The following MAPK4 variants were observed in gnomAD, a reference collection of about 807,000 sequenced individuals.
MAPK4 encodes the protein mitogen-activated protein kinase 4, also known as Erk3-related.
MAPK4 carries 22 observed loss-of-function variants against 47.7 expected under a neutral mutation model. That is an observed-to-expected ratio of 0.46 (90% CI 0.33 to 0.66). MAPK4 has a LOEUF of 0.66. Among genes scored for constraint, MAPK4 ranks in the 30% least tolerant of loss-of-function variants. The pLI is 0.02. For synonymous variants in MAPK4, 390 were observed against 365.7 expected, an observed-to-expected ratio of 1.07 and a Z score of -0.76; for missense variants, 736 against 831.7, an observed-to-expected ratio of 0.88 and a Z score of 1.42.
In MAPK4 at chr18:50,729,870, T is replaced by C; in HGVS notation, c.*16T>C. The C allele has an allele frequency of 6.3e-7, 1 of 1,580,858 alleles. No homozygotes were observed. Among genetic ancestry groups the C allele is most frequent in the Non-Finnish European group, 8.6e-7 (1 of 1,161,590 alleles). The stretch of plus-strand genomic sequence containing the variant: ...AAGGTGGTGAGGGCGGAGGGGCCGC[T>C]CCAGGCCCCACAGAGCAGGAGACCC... On this transcript the variant is annotated 3_prime_UTR_variant, in exon 6 of 6. Coordinates refer to ENST00000400384, the MANE Select transcript of MAPK4 (RefSeq NM_002747.4).
intron 1 of MAPK4, among the ~76,000 whole-genome samples, chr18:50,616,970 A>C (rs2042690331): frequency 6.6e-6 from 1 of 152,224 alleles, no homozygotes; most frequent in African/African-American, 2.4e-5. Flanking sequence ...AACCATCACA[A>C]GGCTTAACAC....
chr18:50,640,927 G>A (rs2042935981), intron 1 of MAPK4, among the ~76,000 whole-genome samples: 1 of 152,176 alleles, frequency 6.6e-6, no homozygotes, highest in Non-Finnish European at 1.5e-5. Context: ...AGAAAAATAA[G>A]GAAAAGGCTG....
chr18:50,727,837 G>A (rs573131797), intron 5 of MAPK4, among the ~76,000 whole-genome samples: 1 of 152,320 alleles, frequency 6.6e-6, no homozygotes, highest in African/African-American at 2.4e-5. Context: ...TTTCCCAACT[G>A]TAAAGCGGGG....
chr18:50,577,123 T>C (rs907759511), intron 1 of MAPK4, among the ~76,000 whole-genome samples: 26 of 152,186 alleles, frequency 1.7e-4, no homozygotes, highest in African/African-American at 5.8e-4. Flanking sequence ...GATCTGATTG[T>C]TCTGGGGTCT....
In MAPK4 at chr18:50,729,932, T is replaced by TTCCCGCCCC. The variant is rs1911466800; in HGVS notation, c.*81_*89dup. The TTCCCGCCCC allele has an allele frequency of 5.0e-6, 7 of 1,389,752 alleles. No individual in the cohort carries two copies. Among genetic ancestry groups the TTCCCGCCCC allele is most frequent in the Non-Finnish European group, 2.9e-6 (3 of 1,040,956 alleles). The allele number at this position is 1,389,752 out of a possible 1,614,324, so 86.1% of individuals were successfully genotyped here. On this transcript the variant is annotated 3_prime_UTR_variant, in exon 6 of 6. Coordinates refer to ENST00000400384, the MANE Select transcript of MAPK4 (RefSeq NM_002747.4). The stretch of plus-strand genomic sequence containing the variant: ...CGGGGCTGGCAGGAGGCGGCCGCCC[T>TTCCCGCCCC]TCCCGCCCCTCTCTGCTGCCTTGGG...
At chr18:50,635,998 C>T (rs2042884216) in intron 1 of MAPK4, among the ~76,000 whole-genome samples, 1 of 152,218 alleles carries the variant, frequency 6.6e-6, no homozygotes, top group African/African-American at 2.4e-5. Context: ...TCACTCCACT[C>T]CCTGCCTTAT....
intron 1 of MAPK4, among the ~76,000 whole-genome samples, chr18:50,580,445 A>G (rs1006766120): frequency 5.3e-5 from 8 of 152,308 alleles, no homozygotes; most frequent in East Asian, 1.9e-4. Context: ...GGGAAGACAT[A>G]TGGCCTGAAT....
intron 1 of MAPK4, among the ~76,000 whole-genome samples, chr18:50,581,656 G>T (rs1352698340): frequency 6.6e-6 from 1 of 152,244 alleles, no homozygotes; most frequent in African/African-American, 2.4e-5. Context: ...GTGAGCAGAA[G>T]AGTTGAGTTC....
intron 1 of MAPK4, among the ~76,000 whole-genome samples, chr18:50,568,461 C>G (rs377071269): frequency 6.6e-6 from 1 of 152,202 alleles, no homozygotes; most frequent in African/African-American, 2.4e-5. Flanking sequence ...ACTGTCACGT[C>G]TCTCCATTTA....
chr18:50,690,866 G>A (rs16952412), intron 2 of MAPK4, among the ~76,000 whole-genome samples: 11,557 of 151,900 alleles, frequency 0.076, 1,087 homozygotes, highest in African/African-American at 0.22. Context: ...GCAAAATGAA[G>A]CCTCCAAAAA....
intron 1 of MAPK4, among the ~76,000 whole-genome samples, chr18:50,582,671 T>G (rs1328397716): frequency 6.6e-6 from 1 of 152,238 alleles, no homozygotes; most frequent in Non-Finnish European, 1.5e-5. Flanking sequence ...CTGGGCTCAC[T>G]CCACCTGCTT....
chr18:50,605,613 C>T (rs1052110814), intron 1 of MAPK4, among the ~76,000 whole-genome samples: 1 of 152,190 alleles, frequency 6.6e-6, no homozygotes, highest in Non-Finnish European at 1.5e-5. Flanking sequence ...CTTAGATATT[C>T]AGTTCAGGCC....
At chr18:50,679,321 G>A (rs771582745) in intron 2 of MAPK4, among the ~76,000 whole-genome samples, 21 of 152,196 alleles carry the variant, frequency 1.4e-4, no homozygotes, top group Non-Finnish European at 2.2e-4. Context: ...TTCCAAGCCT[G>A]ACTCTAACCA....
chr18:50,694,258 T>A (rs1909387109), intron 2 of MAPK4, among the ~76,000 whole-genome samples: 1 of 152,152 alleles, frequency 6.6e-6, no homozygotes. Flanking sequence ...CAGCCCTAGA[T>A]GACTCTCAGC....
rs763546618 is a variant in MAPK4, at chr18:50,715,095, G to T, written c.563G>T (p.Gly188Val). ...HYSHKGYLSE[G>V]LVTKWYRSPR... ...GTCTTTCAGGGTTATCTGTCAGAAGGGTTGGTAACAAAGTGGTACCGTTCC... is the reference window on the plus strand; with the variant it reads ...GTCTTTCAGGGTTATCTGTCAGAAGTGTTGGTAACAAAGTGGTACCGTTCC... Residue 188 changes from glycine to valine, a missense_variant, in exon 3 of 6, where the codon GGG becomes GTG. Around this residue, in one of 3 missense-constraint regions of MAPK4, gnomAD observed 327 missense variants for 395.4 expected, o/e 0.83. Coordinates refer to ENST00000400384, the MANE Select transcript of MAPK4 (RefSeq NM_002747.4). The T allele has an allele frequency of 1.9e-6, 3 of 1,613,968 alleles. No individual in the cohort carries two copies. Among genetic ancestry groups the T allele is most frequent in the Non-Finnish European group, 2.5e-6 (3 of 1,179,990 alleles).
At chr18:50,596,514 GT>G (rs2042483335) in intron 1 of MAPK4, among the ~76,000 whole-genome samples, 1 of 152,140 alleles carries the variant, frequency 6.6e-6, no homozygotes, top group Admixed American at 6.5e-5. Context: ...ACAACACTGG[GT>G]TCATTAGAAG....
intron 1 of MAPK4, among the ~76,000 whole-genome samples, chr18:50,624,693 G>A (rs1436455540): frequency 1.3e-5 from 2 of 152,096 alleles, no homozygotes; most frequent in African/African-American, 2.4e-5. Flanking sequence ...CAAAGTATAA[G>A]TTTGTTTTTT....
intron 2 of MAPK4, among the ~76,000 whole-genome samples, chr18:50,683,807 C>A (rs552517328): frequency 6.6e-6 from 1 of 152,244 alleles, no homozygotes; most frequent in South Asian, 2.1e-4. Context: ...GGCAACACAG[C>A]TGGATGTAGG....
At chr18:50,620,287 G>T (rs547107562) in intron 1 of MAPK4, among the ~76,000 whole-genome samples, 3 of 152,284 alleles carry the variant, frequency 2.0e-5, no homozygotes, top group East Asian at 3.9e-4. Context: ...TGAAGACAGC[G>T]GCAGAGCTGA....
Sources: allele counts gnomAD v4.1 joint callset (sites outside exome capture counted in the v4.1 genomes callset), GRCh38; gene constraint gnomAD v4.1.1; regional missense constraint gnomAD v4.1.1; transcripts MANE v1.5; gene names NCBI Gene and HGNC (gene_info 2026-07-23, HGNC 2026-07-21).